Variants in NRG1 observed in about 807,000 individuals in gnomAD.
NRG1 encodes neuregulin 1, also known as pro-neuregulin-1, membrane-bound isoform.
NRG1 carries 18 observed loss-of-function variants against 63.8 expected under a neutral mutation model. That is an observed-to-expected ratio of 0.28 (90% CI 0.19 to 0.42). The LOEUF (loss-of-function observed/expected upper bound fraction) is 0.42. Among genes scored for constraint, NRG1 ranks in the 10% least tolerant of loss-of-function variants. NRG1 has a pLI of 1.00. For synonymous variants in NRG1, 302 were observed against 301.3 expected (o/e 1.00, Z -0.02); for missense variants, 762 against 814.7 (o/e 0.94, Z 0.79).
At chr8:32,540,075 TTTGTTG>T (rs149306385) in intron 1 of NRG1, among the ~76,000 whole-genome samples, 4 of 152,034 alleles carry the variant, frequency 2.6e-5, no homozygotes, top group Middle Eastern at 3.4e-3. Flanking sequence ...AAAGAAAGGT[TTTGTTG>T]TTGTTGTTGT....
At chr8:32,030,136 CAT>C (rs1324982505) in intron 1 of NRG1, among the ~76,000 whole-genome samples, 1 of 152,108 alleles carries the variant, frequency 6.6e-6, no homozygotes, top group East Asian at 1.9e-4. Context: ...TACTATGACT[CAT>C]TGATACATTT....
chr8:32,762,268 C>T (rs993523709), intron 11 of NRG1, among the ~76,000 whole-genome samples: 11 of 151,852 alleles, frequency 7.2e-5, no homozygotes, highest in African/African-American at 1.7e-4. Context: ...CTGTTTCAAT[C>T]GTTTTTTGAA....
At chr8:31,674,298 G>A (rs1356657516) in intron 1 of NRG1, among the ~76,000 whole-genome samples, 1 of 152,060 alleles carries the variant, frequency 6.6e-6, no homozygotes, top group East Asian at 1.9e-4. Flanking sequence ...GAACTTCTGG[G>A]TCATATGGTA....
intron 1 of NRG1, among the ~76,000 whole-genome samples, chr8:31,998,124 T>C (rs1474826111): frequency 6.6e-6 from 1 of 151,980 alleles, no homozygotes; most frequent in Admixed American, 6.6e-5. Context: ...ATAATCTTGG[T>C]GCATTTTCCA....
intron 1 of NRG1, among the ~76,000 whole-genome samples, chr8:32,523,932 C>A (rs1432403582): frequency 6.6e-6 from 1 of 152,022 alleles, no homozygotes; most frequent in African/African-American, 2.4e-5. Flanking sequence ...TTTTCCTCAC[C>A]ACTGTTGCCT....
At chr8:32,011,111 A>G (rs1814684987) in intron 1 of NRG1, among the ~76,000 whole-genome samples, 1 of 152,048 alleles carries the variant, frequency 6.6e-6, no homozygotes, top group African/African-American at 2.4e-5. Flanking sequence ...ACACATAAAC[A>G]TTGTTTTGTT....
At chr8:32,293,362 A>G (rs1854435174) in intron 1 of NRG1, among the ~76,000 whole-genome samples, 1 of 152,150 alleles carries the variant, frequency 6.6e-6, no homozygotes, top group Admixed American at 6.5e-5. Context: ...GGTTATAGCT[A>G]AAAGGAATGC....
intron 1 of NRG1, among the ~76,000 whole-genome samples, chr8:31,833,115 A>G (rs1237917290): frequency 6.6e-6 from 1 of 152,128 alleles, no homozygotes; most frequent in Non-Finnish European, 1.5e-5. Context: ...AAACTGTTCA[A>G]AGATTGGGAA....
chr8:32,401,959 G>A (rs1813266211), intron 1 of NRG1, among the ~76,000 whole-genome samples: 1 of 152,170 alleles, frequency 6.6e-6, no homozygotes, highest in Non-Finnish European at 1.5e-5. Flanking sequence ...TGCCCAGGCT[G>A]GAGTGCAGTG....
intron 1 of NRG1, among the ~76,000 whole-genome samples, chr8:32,261,008 T>A (rs1390303923): frequency 1.3e-5 from 2 of 152,218 alleles, no homozygotes; most frequent in African/African-American, 4.8e-5. Flanking sequence ...AACACTTTAA[T>A]AGTTTTGTAC....
chr8:32,411,487 C>A (rs1814939847), intron 1 of NRG1, among the ~76,000 whole-genome samples: 1 of 152,148 alleles, frequency 6.6e-6, no homozygotes. Context: ...TCAATTCAGT[C>A]CAGTTTTCTA....
At chr8:32,407,022 G>T (rs1308707168) in intron 1 of NRG1, among the ~76,000 whole-genome samples, 1 of 151,684 alleles carries the variant, frequency 6.6e-6, no homozygotes, top group East Asian at 1.9e-4. Context: ...TTCAGCTTTA[G>T]CCCTGGGGTC....
intron 1 of NRG1, among the ~76,000 whole-genome samples, chr8:32,354,121 T>G (rs1587000956): frequency 6.6e-6 from 1 of 151,752 alleles, no homozygotes; most frequent in Non-Finnish European, 1.5e-5. Flanking sequence ...GTAATCCCAG[T>G]ACTTTGGGAG....
chr8:32,760,205 G>A, exon 11 of NRG1: 1 of 1,613,900 alleles, frequency 6.2e-7, no homozygotes, highest in Non-Finnish European at 8.5e-7. Flanking sequence ...CGCAGCTGGA[G>A]CAACGGACAC....
At chr8:32,410,244 CA>C (rs1162187360) in intron 1 of NRG1, among the ~76,000 whole-genome samples, 3 of 132,180 alleles carry the variant, frequency 2.3e-5, no homozygotes, top group African/African-American at 8.6e-5. Flanking sequence ...GCAGTGGCAT[CA>C]TCATATCTCA....
chr8:32,187,452 G>C (rs911867420), intron 1 of NRG1, among the ~76,000 whole-genome samples: 6 of 152,102 alleles, frequency 3.9e-5, no homozygotes, highest in African/African-American at 1.4e-4. Context: ...TTAACCTATA[G>C]TTTCTGAATA....
intron 1 of NRG1, among the ~76,000 whole-genome samples, chr8:31,823,901 A>G (rs1339088447): frequency 1.3e-5 from 2 of 152,188 alleles, no homozygotes; most frequent in South Asian, 4.1e-4. Context: ...AGAAGAGGCA[A>G]AGCTTCTGAA....
At chr8:32,371,992 A>ATTTTTT (rs60780562) in intron 1 of NRG1, among the ~76,000 whole-genome samples, 34,377 of 128,408 alleles carry the variant, frequency 0.27, 5,144 homozygotes, top group Non-Finnish European at 0.34. Flanking sequence ...CTTCTTCTTC[A>ATTTTTT]TTTTTTTTTT....
At chr8:32,405,183 G>A (rs1014861267) in intron 1 of NRG1, among the ~76,000 whole-genome samples, 11 of 152,304 alleles carry the variant, frequency 7.2e-5, no homozygotes, top group African/African-American at 2.6e-4. Flanking sequence ...AAGAAAGGAA[G>A]TTATGTGTTC....
Sources: allele counts gnomAD v4.1 joint callset (sites outside exome capture counted in the v4.1 genomes callset), GRCh38; gene constraint gnomAD v4.1.1; transcripts MANE v1.5; gene names NCBI Gene and HGNC (gene_info 2026-07-23, HGNC 2026-07-21).